DPP9: variants seen among roughly 807,000 people sequenced by gnomAD.
DPP9 encodes the protein dipeptidyl peptidase IV-related protein-2.
Under a neutral mutation model 110.7 loss-of-function variants are expected in DPP9, and 50 were observed. That is an observed-to-expected ratio of 0.45 (90% CI 0.36 to 0.57). DPP9 has a LOEUF of 0.57. DPP9 is among the 20% of genes least tolerant of loss of function. DPP9 has a pLI of 0.00. For synonymous variants in DPP9, 561 were observed against 514.4 expected, an observed-to-expected ratio of 1.09 and a Z score of -1.23; for missense variants, 1,022 against 1,217.9, an observed-to-expected ratio of 0.84 and a Z score of 2.39.
chr19:4,702,879 GCC>G (rs1409057648), intron 7 of DPP9, among the ~76,000 whole-genome samples, 163 bp from the exon 8 acceptor site: 1 of 18,416 alleles, frequency 5.4e-5, no homozygotes, highest in Non-Finnish European at 1.1e-4. Context: ...AGAGCTCGGA[GCC>G]GACTGCTTTC....
intron 11 of DPP9, 117 bp downstream of exon 11, chr19:4,697,434 G>C (rs1233825122): frequency 1.2e-6 from 1 of 838,276 alleles, no homozygotes; most frequent in Non-Finnish European, 1.9e-6. Flanking sequence ...GTTGCACTGC[G>C]GGAAGACGTG....
chr19:4,698,778 C>T lies in DPP9; in HGVS notation c.1075-1127G>A, dbSNP rs750623659. On this transcript the variant is annotated intron_variant, in intron 10 of 21. Transcript: ENST00000262960. The surrounding 1 kb of genome is among the most constrained non-coding windows in gnomAD (Gnocchi z 4.2). The stretch of plus-strand genomic sequence containing the variant: ...ACAAGAACAAACAAGCAAAGCAAAA[C>T]CCCAGCCTGGAAGGAGGTTTCACGT... 6.6e-5 allele frequency among the ~76,000 whole-genome samples: 10 copies of T among 152,110 alleles called. No individual in the cohort carries two copies. Among genetic ancestry groups the T allele is most frequent in the Non-Finnish European group, 1.3e-4 (9 of 68,024 alleles).
At chr19:4,711,271 G>A (rs1232949283) in intron 4 of DPP9, among the ~76,000 whole-genome samples, 2 of 152,158 alleles carry the variant, frequency 1.3e-5, no homozygotes, top group African/African-American at 4.8e-5. Flanking sequence ...GCTCAGACGA[G>A]CTTGGAGGGT....
intron 14 of DPP9, among the ~76,000 whole-genome samples, chr19:4,690,605 G>C (rs2091225677): frequency 6.6e-6 from 1 of 152,200 alleles, no homozygotes; most frequent in Non-Finnish European, 1.5e-5. Flanking sequence ...CTTAATTTCA[G>C]GGTGAAAGGA....
intron 3 of DPP9, among the ~76,000 whole-genome samples, chr19:4,717,353 G>C (rs867304329): frequency 2.0e-5 from 3 of 152,174 alleles, no homozygotes; most frequent in Admixed American, 2.0e-4. Context: ...GACCAGGACC[G>C]CCTGAGCACT....
rs1010499423 is a variant in DPP9, at chr19:4,676,476, C to T, written c.*88G>A. The T allele has an allele frequency of 8.4e-7, 1 of 1,183,912 alleles. No homozygotes were observed. Among genetic ancestry groups the T allele is most frequent in the African/African-American group, 1.5e-5 (1 of 66,036 alleles). 73.3% of individuals were successfully genotyped at this position (1,183,912 alleles called of 1,614,324 possible). A position where few individuals can be genotyped will look rare whatever the true frequency, so the allele number is the denominator to read the frequency against. On this transcript the variant is annotated 3_prime_UTR_variant, in exon 22 of 22. Coordinates refer to ENST00000262960, the MANE Select transcript of DPP9 (RefSeq NM_139159.5). This position sits in a 1 kb window ranked among gnomAD's most constrained non-coding sequence, Gnocchi z 4.0. The stretch of plus-strand genomic sequence containing the variant: ...GGCGGGACAAAGTGCCTCACTGGGG[C>T]CCGCGGGCCACTCAGTCCCTCCCGC...
chr19:4,719,018 C>A (rs1035873959), intron 3 of DPP9, among the ~76,000 whole-genome samples: 3 of 152,062 alleles, frequency 2.0e-5, no homozygotes, highest in Non-Finnish European at 4.4e-5. Flanking sequence ...TAGGGCACTT[C>A]TTCAGTTCTG....
chr19:4,693,975 A>C lies in DPP9; in HGVS notation c.1516+686T>G, dbSNP rs546076344. Among the ~76,000 whole-genome samples, 17 of 151,996 alleles carry C rather than the reference A, an allele frequency of 1.1e-4. No individual in the cohort carries two copies. The highest frequency in any genetic ancestry group is 6.2e-4 in the South Asian group (3 of 4,812). On this transcript the variant is annotated intron_variant, in intron 13 of 21. Coordinates refer to ENST00000262960, the MANE Select transcript of DPP9 (RefSeq NM_139159.5). The surrounding 1 kb of genome is among the most constrained non-coding windows in gnomAD (Gnocchi z 5.0). ...GGTGTGGACCCCTCACCTCCACAGCATGCTCTCCAGAGACGTCCTCATGCC... is the reference window on the plus strand; with the variant it reads ...GGTGTGGACCCCTCACCTCCACAGCCTGCTCTCCAGAGACGTCCTCATGCC...
Position 4,722,518 on chromosome 19 carries a change from G to A in DPP9, c.-55C>T. On this transcript the variant is annotated 5_prime_UTR_variant, in exon 2 of 22. Transcript: ENST00000262960. ...ACTGACCTTCTAAAGGGTCCAGAGAGCCTCCATTCCAGCTGCAGGCGTGGG... is the reference window on the plus strand; with the variant it reads ...ACTGACCTTCTAAAGGGTCCAGAGAACCTCCATTCCAGCTGCAGGCGTGGG... The A allele has an allele frequency of 1.4e-6, 1 of 703,110 alleles. No individual in the cohort carries two copies. Among genetic ancestry groups the A allele is most frequent in the Non-Finnish European group, 2.6e-6 (1 of 385,012 alleles). 43.6% of individuals were successfully genotyped at this position (703,110 alleles called of 1,614,324 possible).
rs1303267126 is a variant in DPP9, at chr19:4,685,534, G to T, written c.2031+92C>A. ...GGCAGGTAGCCGGGGAGCCTCCTCT[G>T]GTTGACTGTTCTACAGCTGGCACTT... On this transcript the variant is annotated intron_variant, in intron 17 of 21. Coordinates refer to ENST00000262960, the MANE Select transcript of DPP9 (RefSeq NM_139159.5). This position sits in a 1 kb window ranked among gnomAD's most constrained non-coding sequence, Gnocchi z 5.8. 2 of 1,366,394 alleles carry T rather than the reference G, an allele frequency of 1.5e-6. No homozygotes were observed. The highest frequency in any genetic ancestry group is 2.0e-5 in the Admixed American group (1 of 49,700). The allele number at this position is 1,366,394 out of a possible 1,614,324, so 84.6% of individuals were successfully genotyped here.
At chr19:4,706,765 G>A (rs1051936269) in intron 4 of DPP9, among the ~76,000 whole-genome samples, 2 of 152,192 alleles carry the variant, frequency 1.3e-5, no homozygotes, top group South Asian at 2.1e-4. Context: ...GCAGTGAGCC[G>A]AGATTGCGCC....
chr19:4,713,535 G>A (rs147776223), intron 4 of DPP9, among the ~76,000 whole-genome samples: 179 of 152,354 alleles, frequency 1.2e-3, no homozygotes, highest in African/African-American at 4.1e-3. Context: ...GGCTGCAAGC[G>A]CGTGGCAAGC....
chr19:4,715,468 GTTAT>G (rs2093034051), intron 3 of DPP9: 1 of 152,168 alleles, frequency 6.6e-6, no homozygotes, highest in Admixed American at 6.5e-5. Context: ...CATCACAGCG[GTTAT>G]TTGTGGGACC....
Position 4,685,897 on chromosome 19 carries a change from G to C in DPP9, c.1886-126C>G. 1 of 1,157,316 alleles carries C rather than the reference G, an allele frequency of 8.6e-7. No homozygotes were observed. Among genetic ancestry groups the C allele is most frequent in the East Asian group, 2.5e-5 (1 of 39,916 alleles). The allele number at this position is 1,157,316 out of a possible 1,614,324, so 71.7% of individuals were successfully genotyped here. On this transcript the variant is annotated intron_variant, in intron 16 of 21. Coordinates refer to ENST00000262960, the MANE Select transcript of DPP9 (RefSeq NM_139159.5). The surrounding 1 kb of genome is among the most constrained non-coding windows in gnomAD (Gnocchi z 5.8). ...CACCCCCTCTTTTCCTGGGCTTCCC[G>C]AGAGTTGATAATTGAAAAAAACGTT... is the stretch of plus-strand genomic sequence containing the variant.
chr19:4,686,930 C>T (rs927225521), intron 16 of DPP9, among the ~76,000 whole-genome samples: 1 of 152,182 alleles, frequency 6.6e-6, no homozygotes, highest in Non-Finnish European at 1.5e-5. Context: ...CACAGAGGGA[C>T]TGCACGTGGC....
rs1427985267 is a variant in DPP9 at position 4,685,877 on chromosome 19, CCT to C, written c.1886-108_1886-107del. The C allele has an allele frequency of 6.8e-6, 9 of 1,326,576 alleles. 1 individual carries two copies. Among genetic ancestry groups the C allele is most frequent in the East Asian group, 4.8e-5 (2 of 41,726 alleles). The allele number at this position is 1,326,576 out of a possible 1,614,324, so 82.2% of individuals were successfully genotyped here. ...CCTTGGAGGGTGGACCAAAGCACCC[CCT>C]CTTTTCCTGGGCTTCCCGAGAGTTG... On this transcript the variant is annotated intron_variant, in intron 16 of 21. Coordinates refer to ENST00000262960, the MANE Select transcript of DPP9 (RefSeq NM_139159.5). This position sits in a 1 kb window ranked among gnomAD's most constrained non-coding sequence, Gnocchi z 5.8.
chr19:4,714,366 A>C, intron 3 of DPP9, 29 bp from the exon 4 acceptor site: 1 of 1,463,828 alleles, frequency 6.8e-7, no homozygotes, highest in South Asian at 1.3e-5. Context: ...GACTATGAGA[A>C]AGGAGAACTG....
chr19:4,679,879 G>C lies in DPP9; in HGVS notation c.2542C>G (p.Leu848Val). Residue 848 changes from leucine to valine, a missense_variant, in exon 21 of 22, where the codon CTC becomes GTC. By Grantham distance (32) the Leu-to-Val change is conservative. Around this residue, in one of 3 missense-constraint regions of DPP9, gnomAD observed 209 missense variants for 280.4 expected, o/e 0.75. Transcript: ENST00000262960. ...ENVHFFHTNFLVSQLIRAGKP... is the reference protein window; with the variant it reads ...ENVHFFHTNFVVSQLIRAGKP... ...CCTGCTCGGATCAGTTGGGAGACGA[G>C]GAAGTTTGTGTGGAAAAAGTGCACG... 1.2e-6 allele frequency: 2 copies of C among 1,613,614 alleles called. No individual in the cohort carries two copies. Among genetic ancestry groups the C allele is most frequent in the Non-Finnish European group, 1.7e-6 (2 of 1,179,824 alleles).
Position 4,695,531 on chromosome 19 carries a change from C to T in DPP9, c.1200G>A (p.Arg400=). The change falls in exon 12 of 22, where the codon CGG becomes CGA. Residue 400 remains arginine (R), a synonymous_variant. Transcript: ENST00000262960. The surrounding 1 kb of genome is among the most constrained non-coding windows in gnomAD (Gnocchi z 4.7). ...GGACGAGCTGGAGCCACTGCTGGGGCCGGTCCAGGAACATGGCCCAGGCGC... is the reference window on the plus strand; with the variant it reads ...GGACGAGCTGGAGCCACTGCTGGGGTCGGTCCAGGAACATGGCCCAGGCGC... ...GKYAWAMFLD[R]PQQWLQLVLL... 2 of 1,510,256 alleles carry T rather than the reference C, an allele frequency of 1.3e-6. No individual in the cohort carries two copies. The highest frequency in any genetic ancestry group is 1.3e-5 in the South Asian group (1 of 75,408). The allele number at this position is 1,510,256 out of a possible 1,614,324, so 93.6% of individuals were successfully genotyped here. A position where few individuals can be genotyped will look rare whatever the true frequency, so the allele number is the denominator to read the frequency against.
Sources: allele counts gnomAD v4.1 joint callset (sites outside exome capture counted in the v4.1 genomes callset), GRCh38; gene constraint gnomAD v4.1.1; regional missense constraint gnomAD v4.1.1; non-coding constraint Gnocchi (gnomAD v3.1); transcripts MANE v1.5; gene names NCBI Gene and HGNC (gene_info 2026-07-23, HGNC 2026-07-21).